FLACC1: variants seen among roughly 807,000 people sequenced by gnomAD.
FLACC1 encodes the protein flagellum-associated coiled-coil domain-containing protein 1.
A neutral mutation model predicts 62.8 loss-of-function variants in FLACC1; 66 were observed. The observed-to-expected ratio is 1.05, with a 90% confidence interval of 0.86 to 1.29. The LOEUF (loss-of-function observed/expected upper bound fraction) is 1.29. Ranked by LOEUF, FLACC1 falls within the 50% of genes most tolerant of loss-of-function variation. The pLI, the probability that FLACC1 is intolerant of heterozygous loss-of-function variation, is 0.00. For missense variants in FLACC1, 452 were observed against 489.1 expected (o/e 0.92, Z 0.71); for synonymous variants, 156 against 161.0 (o/e 0.97, Z 0.24).
intron 2 of FLACC1, among the ~76,000 whole-genome samples, 164 bp from the exon 3 acceptor site, chr2:201,350,946 C>G (rs1023403793): frequency 5.9e-5 from 9 of 152,200 alleles, no homozygotes; most frequent in African/African-American, 1.2e-4. Flanking sequence ...AGGCCCAAGG[C>G]CCTGGCACTT....
intron 9 of FLACC1, 65 bp from the exon 10 acceptor site, chr2:201,309,315 T>A: frequency 1.6e-6 from 2 of 1,253,228 alleles, no homozygotes; most frequent in Non-Finnish European, 2.3e-6. Context: ...GGAGAGGCTG[T>A]AAAACTCAAC....
At chr2:201,327,546 C>A (rs1418986316) in intron 9 of FLACC1, among the ~76,000 whole-genome samples, 1 of 151,960 alleles carries the variant, frequency 6.6e-6, no homozygotes, top group Non-Finnish European at 1.5e-5. Context: ...AAATGGCCAA[C>A]AAACATGAAA....
intron 11 of FLACC1, among the ~76,000 whole-genome samples, chr2:201,305,871 A>G (rs1950092072): frequency 6.6e-6 from 1 of 151,150 alleles, no homozygotes; most frequent in Non-Finnish European, 1.5e-5. Flanking sequence ...ATTCGTAGGT[A>G]GGAAATGAAC....
At chr2:201,355,332 T>C (rs1041161704) in intron 1 of FLACC1, among the ~76,000 whole-genome samples, 3 of 151,952 alleles carry the variant, frequency 2.0e-5, no homozygotes, top group African/African-American at 7.3e-5. Flanking sequence ...AGAAAAGAGA[T>C]TCACAGATGA....
At chr2:201,300,098 C>T (rs1314749368) in intron 11 of FLACC1, among the ~76,000 whole-genome samples, 2 of 152,186 alleles carry the variant, frequency 1.3e-5, no homozygotes, top group African/African-American at 2.4e-5. Context: ...GTGCAGGCCA[C>T]GGACCGGGAG....
intron 6 of FLACC1, among the ~76,000 whole-genome samples, 173 bp from the exon 7 acceptor site, chr2:201,342,604 TTAA>T (rs1426264018): frequency 6.6e-6 from 1 of 152,264 alleles, no homozygotes; most frequent in African/African-American, 2.4e-5. Flanking sequence ...GAGCACATTA[TTAA>T]TAAGGGAACA....
upstream of FLACC1, among the ~76,000 whole-genome samples, chr2:201,360,373 T>C (rs1951174994): frequency 6.6e-6 from 1 of 152,206 alleles, no homozygotes; most frequent in African/African-American, 2.4e-5. Flanking sequence ...TGCACAGGGC[T>C]TGGGGAAATA....
Position 201,322,843 on chromosome 2 carries a change from A to G in FLACC1, c.675+7627T>C, listed in dbSNP as rs535372875. Among the ~76,000 whole-genome samples the G allele has an allele frequency of 3.5e-4, 54 of 152,258 alleles. 1 individual carries two copies. Among genetic ancestry groups the G allele is most frequent in the African/African-American group, 1.3e-3 (53 of 41,578 alleles). ...GAAAACTATTATAAATTTAAAAAGC[A>G]TTTCAGGATATGAATGAAAAATTTT... is the stretch of plus-strand genomic sequence containing the variant. On this transcript the variant is annotated intron_variant, in intron 9 of 14. Transcript: ENST00000392257.
intron 9 of FLACC1, among the ~76,000 whole-genome samples, chr2:201,321,979 G>A (rs1449925559): frequency 6.6e-6 from 1 of 152,146 alleles, no homozygotes; most frequent in Non-Finnish European, 1.5e-5. Context: ...ATAAAACACT[G>A]GAGAAAAGGC....
chr2:201,358,346 G>A (rs1171263327), upstream of FLACC1, among the ~76,000 whole-genome samples: 2 of 151,900 alleles, frequency 1.3e-5, no homozygotes, highest in Admixed American at 6.6e-5. Flanking sequence ...GGACTCAAGC[G>A]ATCCTTCTGC....
At chr2:201,320,938 G>A (rs1950392041) in intron 9 of FLACC1, among the ~76,000 whole-genome samples, 1 of 152,184 alleles carries the variant, frequency 6.6e-6, no homozygotes, top group African/African-American at 2.4e-5. Flanking sequence ...GTCCATTACA[G>A]CATCTCCTGG....
At position 201,346,522 on chromosome 2, in the gene FLACC1, T is replaced by G. The variant is rs757965979; in HGVS notation, c.368+20A>C. On this transcript the variant is annotated intron_variant, in intron 5 of 14. Transcript: ENST00000392257. This position sits in a 1 kb window ranked among gnomAD's most constrained non-coding sequence, Gnocchi z 4.0. ...GTGGGAGTAGCCCCAAGCAGCTGCA[T>G]GTTGCTGCAACAGCATTACCTGGAA... 6 of 1,612,538 alleles carry G rather than the reference T, an allele frequency of 3.7e-6. No individual in the cohort carries two copies. The highest frequency in any genetic ancestry group is 4.2e-6 in the Non-Finnish European group (5 of 1,179,820).
intron 12 of FLACC1, 63 bp downstream of exon 12, chr2:201,299,175 C>A: frequency 7.0e-7 from 1 of 1,432,176 alleles, no homozygotes; most frequent in South Asian, 1.2e-5. Flanking sequence ...ATACTGACAG[C>A]TTGTTATTTT....
chr2:201,323,713 G>T (rs185691457), intron 9 of FLACC1, among the ~76,000 whole-genome samples: 13 of 143,686 alleles, frequency 9.0e-5, no homozygotes, highest in African/African-American at 2.8e-4. Context: ...CTTGAACCCA[G>T]GAGACAGAGT....
Position 201,318,509 on chromosome 2 carries a change from A to C in FLACC1, c.676-9259T>G, listed in dbSNP as rs188740630. On this transcript the variant is annotated intron_variant, in intron 9 of 14. Transcript: ENST00000392257. ...ATATGAAAAAGTGCTCAACATCACT[A>C]ATGATCAGGGAAATGCAAATCAAAA... Among the ~76,000 whole-genome samples, 36 of 152,294 alleles carry C rather than the reference A, an allele frequency of 2.4e-4. 1 individual carries two copies. Among genetic ancestry groups the C allele is most frequent in the Admixed American group, 2.0e-3 (31 of 15,294 alleles).
At chr2:201,304,432 G>A (rs60932496) in intron 11 of FLACC1, among the ~76,000 whole-genome samples, 13,881 of 152,052 alleles carry the variant, frequency 0.091, 972 homozygotes, top group South Asian at 0.26. Context: ...AAATAAAAGA[G>A]GATGCAAACA....
intron 9 of FLACC1, among the ~76,000 whole-genome samples, chr2:201,325,949 C>A (rs773497720): frequency 2.0e-5 from 3 of 152,102 alleles, no homozygotes; most frequent in Non-Finnish European, 4.4e-5. Flanking sequence ...CTAACCGACC[C>A]CAATAGCACA....
intron 12 of FLACC1, among the ~76,000 whole-genome samples, chr2:201,290,171 A>G (rs1213457688): frequency 6.6e-6 from 1 of 152,192 alleles, no homozygotes; most frequent in Non-Finnish European, 1.5e-5. Flanking sequence ...GCACTTTTAG[A>G]GCAGTGAAAC....
chr2:201,323,980 G>T (rs978072904), intron 9 of FLACC1, among the ~76,000 whole-genome samples: 1 of 151,866 alleles, frequency 6.6e-6, no homozygotes, highest in African/African-American at 2.4e-5. Flanking sequence ...CAATTAACAT[G>T]ATGAAGAGAA....
Sources: gnomAD v4.1 joint callset for allele counts (sites outside exome capture counted in the v4.1 genomes callset) on GRCh38, gnomAD v4.1.1 for gene constraint, Gnocchi (gnomAD v3.1) non-coding constraint, MANE v1.5 for transcripts, NCBI Gene and HGNC (gene_info 2026-07-23, HGNC 2026-07-21) for gene names.